NCOA2: variants seen among roughly 807,000 people sequenced by gnomAD.
The protein encoded by NCOA2 is nuclear receptor coactivator 2, also known as class E basic helix-loop-helix protein 75.
NCOA2 carries 21 observed loss-of-function variants against 145.1 expected under a neutral mutation model. That is an observed-to-expected ratio of 0.14 (90% CI 0.10 to 0.21). The LOEUF is 0.21. NCOA2 is among the 10% of genes least tolerant of loss of function. The probability of loss-of-function intolerance (pLI) is 1.00; values close to 1 mark genes in which losing one functional copy is unlikely to be tolerated. For missense variants in NCOA2, 1,472 were observed against 1,837.6 expected (o/e 0.80, Z 3.64); for synonymous variants, 619 against 637.5 (o/e 0.97, Z 0.44).
chr8:70,275,846 TATAG>T (rs1301144225), intron 2 of NCOA2, among the ~76,000 whole-genome samples: 2 of 152,326 alleles, frequency 1.3e-5, no homozygotes, highest in African/African-American at 2.4e-5. Flanking sequence ...GTCATAGATA[TATAG>T]ATAGACGATG....
At chr8:70,336,167 C>A (rs1276369863) in intron 1 of NCOA2, among the ~76,000 whole-genome samples, 1 of 152,088 alleles carries the variant, frequency 6.6e-6, no homozygotes, top group Non-Finnish European at 1.5e-5. Flanking sequence ...TTTGTTTATA[C>A]CAGCATCATC....
intron 9 of NCOA2, among the ~76,000 whole-genome samples, chr8:70,160,930 TA>T (rs1045571709): frequency 1.8e-4 from 27 of 152,338 alleles, no homozygotes; most frequent in African/African-American, 5.8e-4. Flanking sequence ...TGTAATTTTT[TA>T]TAGTAAGACT....
At chr8:70,119,640 G>C (rs1337312639) in intron 22 of NCOA2, among the ~76,000 whole-genome samples, 1 of 152,082 alleles carries the variant, frequency 6.6e-6, no homozygotes, top group African/African-American at 2.4e-5. Context: ...CTCCATACTG[G>C]CTCTACTAGT....
chr8:70,129,014 T>C lies in NCOA2; in HGVS notation c.3325-34A>G, dbSNP rs556566840. 2.6e-6 allele frequency: 4 copies of C among 1,553,746 alleles called. No individual in the cohort carries two copies. In the South Asian group the frequency reaches 4.7e-5, roughly 18 times the overall value. ...AAAGTCCCAAATAACAAACAAATAA[T>C]TAAACCATAAAAACAGCAGAGTCAA... On this transcript the variant is annotated intron_variant, in intron 16 of 22. Coordinates refer to ENST00000452400, the MANE Select transcript of NCOA2 (RefSeq NM_006540.4).
At chr8:70,397,484 A>T (rs2131732681) in intron 1 of NCOA2, among the ~76,000 whole-genome samples, 1 of 152,052 alleles carries the variant, frequency 6.6e-6, no homozygotes, top group East Asian at 1.9e-4. Flanking sequence ...AAAAAGAGCA[A>T]GAACAAGCTA....
intron 1 of NCOA2, among the ~76,000 whole-genome samples, chr8:70,332,133 G>A (rs1807168029): frequency 6.6e-6 from 1 of 152,182 alleles, no homozygotes; most frequent in Non-Finnish European, 1.5e-5. Context: ...AATTAGAAGT[G>A]GTTGGGGAAG....
intron 4 of NCOA2, among the ~76,000 whole-genome samples, chr8:70,193,140 C>T (rs2133307364): frequency 7.0e-6 from 1 of 142,196 alleles, no homozygotes; most frequent in South Asian, 2.2e-4. Flanking sequence ...ACATGAAGAA[C>T]AGGTTACAGT....
intron 1 of NCOA2, among the ~76,000 whole-genome samples, chr8:70,320,273 G>A (rs1375105733): frequency 1.1e-4 from 17 of 151,990 alleles, no homozygotes; most frequent in Admixed American, 7.2e-4. Flanking sequence ...ACTACATTAT[G>A]AGAAAAAGTG....
At chr8:70,360,809 A>G (rs1169067169) in intron 1 of NCOA2, among the ~76,000 whole-genome samples, 1 of 151,976 alleles carries the variant, frequency 6.6e-6, no homozygotes, top group Non-Finnish European at 1.5e-5. Flanking sequence ...GTGGTAGCCC[A>G]TGCCTGTAAT....
intron 15 of NCOA2, among the ~76,000 whole-genome samples, chr8:70,135,493 A>C (rs1224655878): frequency 6.6e-6 from 1 of 152,128 alleles, no homozygotes; most frequent in African/African-American, 2.4e-5. Flanking sequence ...AACCACTTTT[A>C]TATTCAGAAA....
intron 2 of NCOA2, among the ~76,000 whole-genome samples, chr8:70,218,700 A>G (rs185635622): frequency 6.6e-6 from 1 of 152,340 alleles, no homozygotes; most frequent in East Asian, 1.9e-4. Context: ...ATGAGATGTA[A>G]GAAAAAACAT....
chr8:70,344,873 A>T (rs1808480413), intron 1 of NCOA2, among the ~76,000 whole-genome samples: 2 of 152,216 alleles, frequency 1.3e-5, no homozygotes, highest in Admixed American at 1.3e-4. Context: ...TCAAGAAGAC[A>T]ATTTATTTAA....
At chr8:70,321,182 A>G (rs1266758496) in intron 1 of NCOA2, among the ~76,000 whole-genome samples, 1 of 152,226 alleles carries the variant, frequency 6.6e-6, no homozygotes, top group Non-Finnish European at 1.5e-5. Context: ...TACAGCATGG[A>G]AAGTATAGTT....
chr8:70,405,591 G>A (rs1039243013), upstream of NCOA2, among the ~76,000 whole-genome samples: 1 of 150,656 alleles, frequency 6.6e-6, no homozygotes, highest in African/African-American at 2.4e-5. Context: ...AGTCACCTGA[G>A]GTTTGTCACA....
At chr8:70,262,168 C>CT (rs1283467328) in intron 2 of NCOA2, among the ~76,000 whole-genome samples, 1 of 152,118 alleles carries the variant, frequency 6.6e-6, no homozygotes, top group East Asian at 1.9e-4. Context: ...AGTGCTAAGC[C>CT]TAATGGTAAA....
chr8:70,249,178 G>A (rs2134671824), intron 2 of NCOA2, among the ~76,000 whole-genome samples: 1 of 152,150 alleles, frequency 6.6e-6, no homozygotes, highest in Middle Eastern at 3.4e-3. Flanking sequence ...GTACCCGATG[G>A]GGCAGGCTCC....
At chr8:70,139,687 C>G (rs547671927) in intron 14 of NCOA2, among the ~76,000 whole-genome samples, 2 of 121,346 alleles carry the variant, frequency 1.6e-5, no homozygotes, top group East Asian at 5.3e-4. Context: ...GAGTCTCACT[C>G]TGTTGCCCAG....
intron 1 of NCOA2, among the ~76,000 whole-genome samples, chr8:70,354,776 T>G (rs898156854): frequency 1.3e-5 from 2 of 152,206 alleles, no homozygotes; most frequent in Non-Finnish European, 2.9e-5. Flanking sequence ...AAAATATGTT[T>G]GCATAATAAC....
At chr8:70,327,277 G>A (rs185809554) in intron 1 of NCOA2, among the ~76,000 whole-genome samples, 27 of 152,292 alleles carry the variant, frequency 1.8e-4, no homozygotes, top group African/African-American at 6.5e-4. Flanking sequence ...ATTAAGTAAA[G>A]TGTGCCTGGT....
Sources: allele counts gnomAD v4.1 joint callset (sites outside exome capture counted in the v4.1 genomes callset), GRCh38; gene constraint gnomAD v4.1.1; transcripts MANE v1.5; gene names NCBI Gene and HGNC (gene_info 2026-07-23, HGNC 2026-07-21).